The following ZNF607 variants were observed in gnomAD, a reference collection of about 807,000 sequenced individuals.
ZNF607 encodes zinc finger protein 607.
ZNF607 carries 5 observed loss-of-function variants against 12.8 expected under a neutral mutation model. The ratio of observed to expected loss-of-function variants is 0.39; its 90% confidence interval spans 0.20 to 0.82. The LOEUF is 0.82. Ranked by LOEUF, ZNF607 falls within the 40% of genes least tolerant of loss-of-function variation. The pLI is 0.39. For synonymous variants in ZNF607, 287 were observed against 276.2 expected, an observed-to-expected ratio of 1.04 and a Z score of -0.39; for missense variants, 851 against 859.2, an observed-to-expected ratio of 0.99 and a Z score of 0.12.
chr19:37,715,390 G>A (rs1599670329), intron 1 of ZNF607, among the ~76,000 whole-genome samples: 1 of 151,206 alleles, frequency 6.6e-6, no homozygotes, highest in East Asian at 2.0e-4. Flanking sequence ...TGAGGCGGGC[G>A]GATCATCTGA....
chr19:37,713,222 GTC>G (rs1026834044), intron 1 of ZNF607, among the ~76,000 whole-genome samples: 15 of 151,924 alleles, frequency 9.9e-5, no homozygotes, highest in African/African-American at 2.9e-4. Context: ...TCAGACTGAT[GTC>G]TCTGTTACGT....
At chr19:37,704,362 A>G (rs1039101130) in intron 4 of ZNF607, among the ~76,000 whole-genome samples, 2 of 152,234 alleles carry the variant, frequency 1.3e-5, no homozygotes, top group Admixed American at 6.5e-5. Flanking sequence ...CACACAGTAC[A>G]TAAAACAAAT....
chr19:37,715,843 A>G (rs1240218557), intron 1 of ZNF607, among the ~76,000 whole-genome samples: 1 of 152,298 alleles, frequency 6.6e-6, no homozygotes, highest in East Asian at 1.9e-4. Context: ...TTACTGAACT[A>G]TCTTTGGAAA....
Position 37,697,060 on chromosome 19 carries a change from C to T in ZNF607, c.*980G>A, listed in dbSNP as rs949103331. On this transcript the variant is annotated 3_prime_UTR_variant, in exon 5 of 5. Coordinates refer to ENST00000355202, the MANE Select transcript of ZNF607 (RefSeq NM_032689.5). ...GTAATGAACGGCAGCACACACTCATCGTAGTCCTCTCCAATGCTGGTGAAG... is the reference window on the plus strand; with the variant it reads ...GTAATGAACGGCAGCACACACTCATTGTAGTCCTCTCCAATGCTGGTGAAG... 7.6e-5 allele frequency: 56 copies of T among 737,960 alleles called. No homozygotes were observed. The highest frequency in any genetic ancestry group is 1.4e-4 in the Non-Finnish European group (55 of 394,428). 45.7% of individuals were successfully genotyped at this position (737,960 alleles called of 1,614,324 possible).
rs957914610 is a variant in ZNF607 at position 37,697,318 on chromosome 19, T to C, written c.*722A>G. 1.7e-5 allele frequency: 20 copies of C among 1,144,060 alleles called. No individual in the cohort carries two copies. In the African/African-American group the frequency reaches 2.8e-4, roughly 16 times the overall value. 70.9% of individuals were successfully genotyped at this position (1,144,060 alleles called of 1,614,324 possible). On this transcript the variant is annotated 3_prime_UTR_variant, in exon 5 of 5. Coordinates refer to ENST00000355202, the MANE Select transcript of ZNF607 (RefSeq NM_032689.5). Reference sequence around the variant, plus strand: ...GCAGCTCTGTGCCCAGCATCCACATTACATAAGGCAGAGTTCACCATGCCT... The same window carrying C: ...GCAGCTCTGTGCCCAGCATCCACATCACATAAGGCAGAGTTCACCATGCCT...
chr19:37,715,644 T>C (rs896117222), intron 1 of ZNF607, among the ~76,000 whole-genome samples: 8 of 148,068 alleles, frequency 5.4e-5, no homozygotes, highest in African/African-American at 1.7e-4. Flanking sequence ...AAGGAGAAAA[T>C]GCCCCTTTCC....
At chr19:37,719,109 T>A (rs998655630) in intron 1 of ZNF607, 160 bp downstream of exon 1, 1 of 152,726 alleles carries the variant, frequency 6.5e-6, no homozygotes, top group Non-Finnish European at 1.5e-5. Context: ...GATTTCCCAT[T>A]GGGACCATTT....
rs370978639 is a variant in ZNF607 at position 37,698,861 on chromosome 19, T to A, written c.1270A>T (p.Lys424Ter). 3.7e-6 allele frequency: 6 copies of A among 1,614,024 alleles called. No homozygotes were observed. Among genetic ancestry groups the A allele is most frequent in the Middle Eastern group, 1.6e-4 (1 of 6,062 alleles). Reference protein sequence around the residue: ...IHTGEKPYKCKECGKAFSQRA... With the variant: ...IHTGEKPYKC Reference sequence around the variant, plus strand: ...TGACTGAAGGCCTTCCCACATTCCTTACATTTGTAGGGTTTCTCACCGGTA... The same window carrying A: ...TGACTGAAGGCCTTCCCACATTCCTAACATTTGTAGGGTTTCTCACCGGTA... The change falls in exon 5 of 5, where the codon AAG (lysine) becomes TAG (stop). Residue 424 changes from lysine (K) to a stop codon, truncating the protein, a stop_gained. Transcript: ENST00000355202. LOFTEE classifies it low-confidence loss of function (END_TRUNC).
At chr19:37,708,838 C>G (rs765288201) in intron 3 of ZNF607, among the ~76,000 whole-genome samples, 21 of 103,816 alleles carry the variant, frequency 2.0e-4, no homozygotes, top group Non-Finnish European at 4.0e-4. Flanking sequence ...ACAGAAGACT[C>G]TGTCTCAAAA....
rs1442301426 is a variant in ZNF607 at position 37,713,538 on chromosome 19, T to C, written c.-74-1846A>G. The stretch of plus-strand genomic sequence containing the variant: ...GCAAACTCCGCCTTCTGGTTTCAAG[T>C]GGTTCTCCTGCCTCAGCCTCCCAAG... On this transcript the variant is annotated intron_variant, in intron 1 of 4. Transcript: ENST00000355202. Among the ~76,000 whole-genome samples, 5 of 151,796 alleles carry C rather than the reference T, an allele frequency of 3.3e-5. No individual in the cohort carries two copies. The East Asian group carries it at 9.7e-4, about 29-fold the overall frequency.
chr19:37,713,687 C>A, intron 1 of ZNF607, among the ~76,000 whole-genome samples: 1 of 152,010 alleles, frequency 6.6e-6, no homozygotes, highest in East Asian at 1.9e-4. Flanking sequence ...GATCTGCCAG[C>A]CTCAGCCTCC....
Position 37,699,821 on chromosome 19 carries a change from G to A in ZNF607, c.310C>T (p.His104Tyr). The change falls in exon 5 of 5, where the codon CAT (histidine) becomes TAT (tyrosine). Residue 104 changes from histidine to tyrosine, a missense_variant. Coordinates refer to ENST00000355202, the MANE Select transcript of ZNF607 (RefSeq NM_032689.5). ...TTCTGTCCATTATGAATTCTCTGAT[G>A]GAGAGTAACACATGAGTGTTTCCTA... The part of the protein sequence containing the change: ...LYRKHSCVTL[H>Y]QRIHNGQKPY... 1.2e-6 allele frequency: 2 copies of A among 1,613,720 alleles called. No individual in the cohort carries two copies. Among genetic ancestry groups the A allele is most frequent in the Non-Finnish European group, 1.7e-6 (2 of 1,179,910 alleles).
In ZNF607 at chr19:37,711,697, A is replaced by C; in HGVS notation, c.-74-5T>G. ...CAAAGTCAAAAGAACCAAGACCTGAAAGAAGAGAAGACCTTGAGACCAGCT... is the reference window on the plus strand; with the variant it reads ...CAAAGTCAAAAGAACCAAGACCTGACAGAAGAGAAGACCTTGAGACCAGCT... On this transcript the variant is annotated splice_polypyrimidine_tract_variant and splice_region_variant and intron_variant, in intron 1 of 4. Transcript: ENST00000355202. The C allele has an allele frequency of 6.9e-7, 1 of 1,442,796 alleles. No individual in the cohort carries two copies. The highest frequency in any genetic ancestry group is 9.7e-7 in the Non-Finnish European group (1 of 1,025,996). 89.4% of individuals were successfully genotyped at this position (1,442,796 alleles called of 1,614,324 possible).
chr19:37,713,119 C>T (rs1287204701), intron 1 of ZNF607, among the ~76,000 whole-genome samples: 4 of 151,844 alleles, frequency 2.6e-5, no homozygotes, highest in Non-Finnish European at 5.9e-5. Flanking sequence ...GTGAAAACTA[C>T]AAGGTTTAAA....
chr19:37,705,424 G>A (rs2045073132), intron 4 of ZNF607, among the ~76,000 whole-genome samples: 1 of 152,154 alleles, frequency 6.6e-6, no homozygotes, highest in African/African-American at 2.4e-5. Context: ...GGGCATGGTG[G>A]CTCACGCCCC....
At chr19:37,706,206 A>C (rs533123797) in intron 4 of ZNF607, among the ~76,000 whole-genome samples, 2 of 151,430 alleles carry the variant, frequency 1.3e-5, no homozygotes, top group African/African-American at 2.4e-5. Context: ...AAGATGGAAA[A>C]GAGAGGAGAA....
At chr19:37,706,828 T>A (rs533255423) in intron 4 of ZNF607, among the ~76,000 whole-genome samples, 1 of 152,006 alleles carries the variant, frequency 6.6e-6, no homozygotes, top group South Asian at 2.1e-4. Flanking sequence ...GTAACTGGGA[T>A]TATAGGCAGT....
Position 37,711,602 on chromosome 19 carries a change from C to A in ZNF607, c.9+8G>T. On this transcript the variant is annotated splice_region_variant and intron_variant, in intron 2 of 4. Transcript: ENST00000355202. ...CAAACCTCCACATGGCGAGAAATAT[C>A]AACTTACATAGGACATGGTTTGAGA... 1 of 1,613,870 alleles carries A rather than the reference C, an allele frequency of 6.2e-7. No individual in the cohort carries two copies. The highest frequency in any genetic ancestry group is 8.5e-7 in the Non-Finnish European group (1 of 1,179,798).
intron 1 of ZNF607, among the ~76,000 whole-genome samples, chr19:37,718,442 T>A (rs1040648129): frequency 1.3e-5 from 2 of 152,160 alleles, no homozygotes; most frequent in African/African-American, 4.8e-5. Flanking sequence ...CCTGCAATCA[T>A]CCTTCACTGC....
Sources: allele counts gnomAD v4.1 joint callset (sites outside exome capture counted in the v4.1 genomes callset), GRCh38; gene constraint gnomAD v4.1.1; transcripts MANE v1.5; gene names NCBI Gene and HGNC (gene_info 2026-07-23, HGNC 2026-07-21).